Variants in DDX1 observed in about 807,000 individuals in gnomAD.
DDX1 encodes DEAD-box helicase 1.
Under a neutral mutation model 108.7 loss-of-function variants are expected in DDX1, and 28 were observed. The ratio of observed to expected loss-of-function variants is 0.26; its 90% CI spans 0.19 to 0.35. DDX1 has a LOEUF of 0.35. Among genes scored for constraint, DDX1 ranks in the 10% least tolerant of loss-of-function variants. The pLI is 1.00. For synonymous variants in DDX1, 295 were observed against 288.9 expected, an observed-to-expected ratio of 1.02 and a Z score of -0.21; for missense variants, 710 against 884.5, an observed-to-expected ratio of 0.80 and a Z score of 2.50.
At chr2:15,625,950 T>G (rs1666095222) in intron 19 of DDX1, among the ~76,000 whole-genome samples, 2 of 152,088 alleles carry the variant, frequency 1.3e-5, no homozygotes. Context: ...GTGACTGTTT[T>G]GTAGTACTTA....
intron 16 of DDX1, among the ~76,000 whole-genome samples, chr2:15,619,684 T>C (rs1665961223): frequency 6.6e-6 from 1 of 152,240 alleles, no homozygotes; most frequent in Non-Finnish European, 1.5e-5. Flanking sequence ...TAAAAGCTGC[T>C]TTTAGAAATA....
At chr2:15,621,357 A>G in intron 18 of DDX1, 1 of 426,122 alleles carries the variant, frequency 2.3e-6, no homozygotes, top group Middle Eastern at 6.4e-4. Flanking sequence ...CCCAAGCTGG[A>G]GTGCAATGGC....
rs760995496 is a variant in DDX1, at chr2:15,630,905, G to T, written c.2222G>T (p.Ter741LeuextTer9). 2 of 1,613,556 alleles carry T rather than the reference G, an allele frequency of 1.2e-6. No individual in the cohort carries two copies. Among genetic ancestry groups the T allele is most frequent in the African/African-American group, 1.3e-5 (1 of 74,926 alleles). Residue 741 changes from the stop codon to leucine (L), a stop_lost, in exon 26 of 26, where the codon TGA (stop) becomes TTA (leucine). Transcript: ENST00000233084. ...YLPNQLFRTF[*>L] Reference sequence around the variant, plus strand: ...CCTAACCAGCTGTTCAGAACCTTCTGATTTTTACATTTACTGAATAAGATT... The same window carrying T: ...CCTAACCAGCTGTTCAGAACCTTCTTATTTTTACATTTACTGAATAAGATT...
intron 13 of DDX1, among the ~76,000 whole-genome samples, chr2:15,607,668 C>A (rs1266392434): frequency 6.6e-6 from 1 of 152,036 alleles, no homozygotes; most frequent in Non-Finnish European, 1.5e-5. Context: ...CTCACTGCAA[C>A]CTTGACCTCC....
intron 15 of DDX1, among the ~76,000 whole-genome samples, chr2:15,617,959 T>C (rs996274870): frequency 6.6e-6 from 1 of 152,210 alleles, no homozygotes; most frequent in East Asian, 1.9e-4. Flanking sequence ...TTGGATTGCT[T>C]ATTGTCACTT....
chr2:15,599,977 A>C (rs1665563370), intron 6 of DDX1, among the ~76,000 whole-genome samples: 1 of 152,230 alleles, frequency 6.6e-6, no homozygotes, highest in South Asian at 2.1e-4. Flanking sequence ...TATTAAGTAA[A>C]GGGTGCTGAC....
chr2:15,625,169 C>A (rs1461145391), intron 19 of DDX1, among the ~76,000 whole-genome samples: 2 of 152,118 alleles, frequency 1.3e-5, no homozygotes, highest in African/African-American at 2.4e-5. Context: ...ATGGATGAAT[C>A]TCAGAAACCT....
At chr2:15,616,536 A>G (rs1391300885) in intron 14 of DDX1, among the ~76,000 whole-genome samples, 4 of 152,168 alleles carry the variant, frequency 2.6e-5, no homozygotes, top group Admixed American at 6.5e-5. Context: ...GTTCTCTTCT[A>G]TGTATGTTTG....
At chr2:15,604,387 A>C in intron 9 of DDX1, 50 bp from the exon 10 acceptor site, 2 of 1,209,704 alleles carry the variant, frequency 1.7e-6, no homozygotes, top group Non-Finnish European at 2.4e-6. Context: ...TTTTAACTTT[A>C]TTTAAGAATT....
intron 13 of DDX1, among the ~76,000 whole-genome samples, chr2:15,609,840 G>A (rs1428247789): frequency 6.6e-6 from 1 of 152,166 alleles, no homozygotes; most frequent in African/African-American, 2.4e-5. Flanking sequence ...CCCTCCCCTG[G>A]ATATACTGAA....
rs574216751 is a variant in DDX1 at position 15,613,876 on chromosome 2, G to A, written c.1017+592G>A. On this transcript the variant is annotated intron_variant, in intron 14 of 25. Coordinates refer to ENST00000233084, the MANE Select transcript of DDX1 (RefSeq NM_004939.3). ...TTTGAGAAGGAGTTTCACTCTTGTCGCCCAGGCTGGAGTGCCATGACATGT... is the reference window on the plus strand; with the variant it reads ...TTTGAGAAGGAGTTTCACTCTTGTCACCCAGGCTGGAGTGCCATGACATGT... Among the ~76,000 whole-genome samples the A allele has an allele frequency of 1.6e-4, 23 of 141,492 alleles. 1 individual carries two copies. The Admixed American group carries it at 1.7e-3, about 10-fold the overall frequency. The allele number at this position is 141,492 out of a possible 152,430, so 92.8% of individuals were successfully genotyped here.
intron 14 of DDX1, 111 bp downstream of exon 14, chr2:15,613,395 C>T (rs1665835045): frequency 6.3e-6 from 4 of 638,126 alleles, no homozygotes; most frequent in Non-Finnish European, 5.3e-6. Context: ...AGAGCAAGGT[C>T]AGAGGAGTAT....
At chr2:15,614,149 C>T (rs1347693977) in intron 14 of DDX1, among the ~76,000 whole-genome samples, 39 of 152,166 alleles carry the variant, frequency 2.6e-4, no homozygotes, top group Admixed American at 2.6e-3. Flanking sequence ...AACTGTTTAT[C>T]AGTTCTGTGA....
intron 13 of DDX1, 26 bp from the exon 14 acceptor site, chr2:15,613,198 T>C (rs1665831042): frequency 4.7e-6 from 7 of 1,481,416 alleles, no homozygotes; most frequent in Non-Finnish European, 6.4e-6. Flanking sequence ...TTTTTTTTTA[T>C]ATTATCATCT....
At chr2:15,596,100 T>TG in intron 3 of DDX1, among the ~76,000 whole-genome samples, 1 of 152,204 alleles carries the variant, frequency 6.6e-6, no homozygotes, top group Non-Finnish European at 1.5e-5. Flanking sequence ...CTGCCCAGTC[T>TG]GGTCTCCAAC....
At chr2:15,628,349 T>G in intron 20 of DDX1, 96 bp from the exon 21 acceptor site, 2 of 906,550 alleles carry the variant, frequency 2.2e-6, no homozygotes, top group Non-Finnish European at 1.8e-6. Flanking sequence ...AACACTTGAG[T>G]TTTTAGAGGT....
At chr2:15,605,884 A>T (rs1345931278) in intron 10 of DDX1, 66 bp from the exon 11 acceptor site, 32 of 1,103,614 alleles carry the variant, frequency 2.9e-5, no homozygotes, top group Non-Finnish European at 4.1e-5. Flanking sequence ...GGTAGATTTG[A>T]CATTGTCAGC....
chr2:15,594,180 A>G (rs1368467755), intron 1 of DDX1, among the ~76,000 whole-genome samples: 3 of 152,226 alleles, frequency 2.0e-5, no homozygotes, highest in Non-Finnish European at 4.4e-5. Flanking sequence ...ACATAATTTT[A>G]TGAAGAATAT....
intron 13 of DDX1, among the ~76,000 whole-genome samples, chr2:15,608,298 G>A (rs375417741): frequency 6.6e-6 from 1 of 152,140 alleles, no homozygotes; most frequent in Admixed American, 6.5e-5. Flanking sequence ...GGGGGCCGAG[G>A]TGGGCGGTCA....
Sources: gnomAD v4.1 joint callset for allele counts (sites outside exome capture counted in the v4.1 genomes callset) on GRCh38, gnomAD v4.1.1 for gene constraint, MANE v1.5 for transcripts, NCBI Gene and HGNC (gene_info 2026-07-23, HGNC 2026-07-21) for gene names.